Variants in PCDHB5 observed in about 807,000 individuals in gnomAD.
The protein encoded by PCDHB5 is protocadherin beta 5.
For missense variants in PCDHB5, 1,125 were observed against 1,029.4 expected (o/e 1.09, Z -1.27); for synonymous variants, 569 against 462.2 (o/e 1.23, Z -2.96).
chr5:141,136,496 T>G lies in PCDHB5; in HGVS notation c.1062T>G (p.Pro354=). ...TCACCATGTCTACGCTCTCCAGCCC[T>G]ACCCCAGAAAATGCCCCGGAAACTG... ...PELTMSTLSS[P]TPENAPETVV... is the part of the protein sequence containing the mutation. The change falls in exon 1 of 1, where the codon CCT becomes CCG. Residue 354 remains proline (P), a synonymous_variant. Coordinates refer to ENST00000231134, the MANE Select transcript of PCDHB5 (RefSeq NM_015669.5). The G allele has an allele frequency of 6.2e-7, 1 of 1,614,082 alleles. No individual in the cohort carries two copies. Among genetic ancestry groups the G allele is most frequent in the Non-Finnish European group, 8.5e-7 (1 of 1,180,000 alleles).
In PCDHB5 at chr5:141,136,446, G is replaced by A; in HGVS notation, c.1012G>A (p.Asp338Asn). 1.2e-6 allele frequency: 2 copies of A among 1,614,168 alleles called. No individual in the cohort carries two copies. The highest frequency in any genetic ancestry group is 1.7e-6 in the Non-Finnish European group (2 of 1,180,032). Residue 338 changes from aspartate to asparagine, a missense_variant, in exon 1 of 1, where the codon GAT (aspartate) becomes AAT (asparagine). Transcript: ENST00000231134. ...ATGCACTGTGGCTATAGAAGTGGTG[G>A]ATGTGAATGACAACGCCCCTGAACT... is the stretch of plus-strand genomic sequence containing the variant. ...GKCTVAIEVV[D>N]VNDNAPELTM...
Position 141,136,018 on chromosome 5 carries a change from T to A in PCDHB5, c.584T>A (p.Val195Glu), listed in dbSNP as rs782551959. The A allele has an allele frequency of 1.9e-6, 3 of 1,614,214 alleles. No individual in the cohort carries two copies. The highest frequency in any genetic ancestry group is 3.3e-5 in the Admixed American group (2 of 60,032). The part of the protein sequence containing the change: ...RGDGRKYPEL[V>E]LDKALDREER... ...GATGGCAGAAAATACCCAGAGCTGG[T>A]GCTGGACAAAGCGCTGGACCGGGAG... The change falls in exon 1 of 1, where the codon GTG becomes GAG. Residue 195 changes from valine to glutamate, a missense_variant. Coordinates refer to ENST00000231134, the MANE Select transcript of PCDHB5 (RefSeq NM_015669.5).
Position 141,137,615 on chromosome 5 carries a change from CG to C in PCDHB5, c.2182del (p.Glu728ArgfsTer11), listed in dbSNP as rs1405157509. 1 of 1,613,508 alleles carries C rather than the reference CG, an allele frequency of 6.2e-7. No homozygotes were observed. Among genetic ancestry groups the C allele is most frequent in the African/African-American group, 1.3e-5 (1 of 74,922 alleles). ...AAPVGRCSVPEGPFPGHLVDV... is the reference protein window; with the variant it reads ...AAPVGRCSVPXGPFPGHLVDV... ...CCCCGGTCGGTCGCTGCTCGGTGCC[CG>C]AGGGCCCCTTTCCAGGGCATCTGGT... On this transcript the variant is annotated frameshift_variant, in exon 1 of 1. Transcript: ENST00000231134. LOFTEE classifies it low-confidence loss of function (END_TRUNC).
At position 141,135,653 on chromosome 5, in the gene PCDHB5, G is replaced by A. The variant is rs782127537; in HGVS notation, c.219G>A (p.Glu73=). 1.9e-6 allele frequency: 3 copies of A among 1,614,062 alleles called. No individual in the cohort carries two copies. The highest frequency in any genetic ancestry group is 2.5e-6 in the Non-Finnish European group (3 of 1,180,012). ...GARMHYKGNK[E]LLQLDIKTGN... ...GAATGCATTACAAAGGAAACAAAGAGCTCTTGCAGCTTGATATAAAGACCG... is the reference window on the plus strand; with the variant it reads ...GAATGCATTACAAAGGAAACAAAGAACTCTTGCAGCTTGATATAAAGACCG... The change falls in exon 1 of 1, where the codon GAG becomes GAA. Residue 73 remains glutamate, a synonymous_variant. Transcript: ENST00000231134.
In PCDHB5 at chr5:141,137,987, A is replaced by C; in HGVS notation, c.*165A>C. Reference sequence around the variant, plus strand: ...CATGCTGTCCAAGTGTTGAAAAGTCAATTTTATTTCATTGCATTTATTTAC... The same window carrying C: ...CATGCTGTCCAAGTGTTGAAAAGTCCATTTTATTTCATTGCATTTATTTAC... On this transcript the variant is annotated 3_prime_UTR_variant, in exon 1 of 1. Transcript: ENST00000231134. 2 of 646,036 alleles carry C rather than the reference A, an allele frequency of 3.1e-6. No homozygotes were observed. Among genetic ancestry groups the C allele is most frequent in the South Asian group, 4.9e-5 (2 of 40,908 alleles). The allele number at this position is 646,036 out of a possible 1,614,324, so 40.0% of individuals were successfully genotyped here. A position where few individuals can be genotyped will look rare whatever the true frequency, so the allele number is the denominator to read the frequency against.
Position 141,137,445 on chromosome 5 carries a change from C to A in PCDHB5, c.2011C>A (p.Pro671Thr). 7 of 1,612,330 alleles carry A rather than the reference C, an allele frequency of 4.3e-6. No individual in the cohort carries two copies. The highest frequency in any genetic ancestry group is 5.9e-6 in the Non-Finnish European group (7 of 1,179,646). Residue 671 changes from proline to threonine, a missense_variant, in exon 1 of 1, where the codon CCG becomes ACG. Physicochemically the swap from Pro to Thr is conservative, Grantham distance 38 (BLOSUM62 -1). Transcript: ENST00000231134. ...GGACGGCTTCTCCCAGCCCTACCTG[C>A]CGCTGCCGGAGGCGGCCCCGGCCCA... is the stretch of plus-strand genomic sequence containing the variant. ...LVDGFSQPYL[P>T]LPEAAPAQAQ... is the part of the protein sequence containing the mutation.
rs782267777 is a variant in PCDHB5 at position 141,137,481 on chromosome 5, G to A, written c.2047G>A (p.Asp683Asn). 1.9e-6 allele frequency: 3 copies of A among 1,612,602 alleles called. No homozygotes were observed. The highest frequency in any genetic ancestry group is 2.7e-5 in the African/African-American group (2 of 74,892). The part of the protein sequence containing the change: ...PEAAPAQAQA[D>N]SLTVYLVVAL... ...GGCGGCCCCGGCCCAGGCCCAGGCC[G>A]ACTCGCTCACTGTCTACCTGGTGGT... The change falls in exon 1 of 1, where the codon GAC (aspartate) becomes AAC (asparagine). Residue 683 changes from aspartate (D) to asparagine (N), a missense_variant. Physicochemically the swap from Asp to Asn is conservative, Grantham distance 23 (BLOSUM62 1). Transcript: ENST00000231134.
Position 141,135,969 on chromosome 5 carries a change from C to G in PCDHB5, c.535C>G (p.His179Asp). The stretch of plus-strand genomic sequence containing the variant: ...CACAATCAGCCCAAATTCACACTTT[C>G]ATGTTGCTACGCATAATCGCGGAGA... ...NYTISPNSHF[H>D]VATHNRGDGR... is the part of the protein sequence containing the mutation. Residue 179 changes from histidine to aspartate, a missense_variant, in exon 1 of 1, where the codon CAT becomes GAT. His to Asp is a moderately conservative substitution (Grantham distance 81). Transcript: ENST00000231134. 1.2e-6 allele frequency: 2 copies of G among 1,614,232 alleles called. No homozygotes were observed. Among genetic ancestry groups the G allele is most frequent in the Non-Finnish European group, 1.7e-6 (2 of 1,180,042 alleles).
Position 141,137,593 on chromosome 5 carries a change from C to G in PCDHB5, c.2159C>G (p.Pro720Arg), listed in dbSNP as rs782775493. ...CTGTGCAGGAGGAGCAGGGCGGCCC[C>G]GGTCGGTCGCTGCTCGGTGCCCGAG... ...VRLCRRSRAA[P>R]VGRCSVPEGP... The change falls in exon 1 of 1, where the codon CCG becomes CGG. Residue 720 changes from proline to arginine, a missense_variant. Transcript: ENST00000231134. 21 of 1,613,104 alleles carry G rather than the reference C, an allele frequency of 1.3e-5. No homozygotes were observed. Among genetic ancestry groups the G allele is most frequent in the Non-Finnish European group, 1.7e-5 (20 of 1,179,994 alleles).
Position 141,135,613 on chromosome 5 carries a change from C to T in PCDHB5, c.179C>T (p.Ala60Val), listed in dbSNP as rs200407793. Residue 60 changes from alanine to valine, a missense_variant, in exon 1 of 1, where the codon GCC becomes GTC. Ala to Val is a moderately conservative substitution (Grantham distance 64, BLOSUM62 0). Transcript: ENST00000231134. Reference sequence around the variant, plus strand: ...CTGGGTCTTGGGGTGGGGGAACTGGCCACTCGGGGCGCGCGAATGCATTAC... The same window carrying T: ...CTGGGTCTTGGGGTGGGGGAACTGGTCACTCGGGGCGCGCGAATGCATTAC... ...KDLGLGVGEL[A>V]TRGARMHYKG... 3.7e-6 allele frequency: 6 copies of T among 1,614,094 alleles called. No individual in the cohort carries two copies. The highest frequency in any genetic ancestry group is 5.1e-6 in the Non-Finnish European group (6 of 1,180,008).
Position 141,136,773 on chromosome 5 carries a change from G to T in PCDHB5, c.1339G>T (p.Ala447Ser), listed in dbSNP as rs782235917. The change falls in exon 1 of 1, where the codon GCC becomes TCC. Residue 447 changes from alanine to serine, a missense_variant. Transcript: ENST00000231134. Reference protein sequence around the residue: ...TVLVSDVNDNAPAFTQTSYTL... With the variant: ...TVLVSDVNDNSPAFTQTSYTL... ...CCTGGTCTCCGACGTCAATGACAAC[G>T]CCCCCGCCTTCACCCAAACCTCCTA... 7 of 1,613,928 alleles carry T rather than the reference G, an allele frequency of 4.3e-6. No homozygotes were observed. Among genetic ancestry groups the T allele is most frequent in the Non-Finnish European group, 5.9e-6 (7 of 1,180,014 alleles).
rs575339909 is a variant in PCDHB5 at position 141,137,075 on chromosome 5, C to A, written c.1641C>A (p.Arg547=). 4.3e-6 allele frequency: 7 copies of A among 1,611,656 alleles called. No individual in the cohort carries two copies. Among genetic ancestry groups the A allele is most frequent in the Admixed American group, 3.3e-5 (2 of 59,992 alleles). Residue 547 remains arginine, a synonymous_variant, in exon 1 of 1, where the codon CGC becomes CGA. Transcript: ENST00000231134. Reference sequence around the variant, plus strand: ...CGCTGAGCAGCGAGGCGCTGGTGCGCGTGCTGGTGCTGGACGCCAACGACA... The same window carrying A: ...CGCTGAGCAGCGAGGCGCTGGTGCGAGTGCTGGTGCTGGACGCCAACGACA... ...SPALSSEALV[R]VLVLDANDNS...
rs1418211383 is a variant in PCDHB5, at chr5:141,135,694, A to G, written c.260A>G (p.Tyr87Cys). Residue 87 changes from tyrosine (Y) to cysteine (C), a missense_variant, in exon 1 of 1, where the codon TAT becomes TGT. Tyr to Cys is a radical substitution (Grantham distance 194). Transcript: ENST00000231134. ...ATAAAGACCGGCAATTTGCTTCTAT[A>G]TGAAAAACTAGACCGGGAGGTGATG... ...LDIKTGNLLLYEKLDREVMCG... is the reference protein window; with the variant it reads ...LDIKTGNLLLCEKLDREVMCG... 7 of 1,614,048 alleles carry G rather than the reference A, an allele frequency of 4.3e-6. No homozygotes were observed. The highest frequency in any genetic ancestry group is 5.9e-6 in the Non-Finnish European group (7 of 1,180,048).
chr5:141,136,429 T>C lies in PCDHB5; in HGVS notation c.995T>C (p.Val332Ala). 6.2e-7 allele frequency: 1 copy of C among 1,614,144 alleles called. No homozygotes were observed. The highest frequency in any genetic ancestry group is 8.5e-7 in the Non-Finnish European group (1 of 1,180,028). ...DGGGLSGKCTVAIEVVDVNDN... is the reference protein window; with the variant it reads ...DGGGLSGKCTAAIEVVDVNDN... ...GGGGGCCTTTCAGGAAAATGCACTG[T>C]GGCTATAGAAGTGGTGGATGTGAAT... The change falls in exon 1 of 1, where the codon GTG becomes GCG. Residue 332 changes from valine to alanine, a missense_variant. Transcript: ENST00000231134.
In PCDHB5 at chr5:141,136,932, G is replaced by C; in HGVS notation, c.1498G>C (p.Ala500Pro). The change falls in exon 1 of 1, where the codon GCC becomes CCC. Residue 500 changes from alanine (A) to proline (P), a missense_variant. Coordinates refer to ENST00000231134, the MANE Select transcript of PCDHB5 (RefSeq NM_015669.5). ...GCCCCAGAACCCACACCTGCGCCTCGCCTCCCTGGTCTCCATCAACGCGGA... is the reference window on the plus strand; with the variant it reads ...GCCCCAGAACCCACACCTGCGCCTCCCCTCCCTGGTCTCCATCAACGCGGA... Reference protein sequence around the residue: ...LPPQNPHLRLASLVSINADNG... With the variant: ...LPPQNPHLRLPSLVSINADNG... 6.2e-7 allele frequency: 1 copy of C among 1,612,580 alleles called. No individual in the cohort carries two copies. The highest frequency in any genetic ancestry group is 8.5e-7 in the Non-Finnish European group (1 of 1,180,002).
rs782736938 is a variant in PCDHB5, at chr5:141,136,346, G to C, written c.912G>C (p.Arg304Ser). The change falls in exon 1 of 1, where the codon AGG (arginine) becomes AGC (serine). Residue 304 changes from arginine (R) to serine (S), a missense_variant. By Grantham distance (110) the Arg-to-Ser change is moderately radical. Coordinates refer to ENST00000231134, the MANE Select transcript of PCDHB5 (RefSeq NM_015669.5). ...DEKTAEIRLK[R>S]ALDFEATPYY... ...AAACAGCAGAAATTCGCCTGAAAAG[G>C]GCATTGGATTTCGAGGCAACTCCAT... 1.9e-6 allele frequency: 3 copies of C among 1,614,124 alleles called. No individual in the cohort carries two copies. The highest frequency in any genetic ancestry group is 2.5e-6 in the Non-Finnish European group (3 of 1,180,028).
Position 141,135,887 on chromosome 5 carries a change from G to A in PCDHB5, c.453G>A (p.Val151=). Residue 151 remains valine (V), a synonymous_variant, in exon 1 of 1, where the codon GTG becomes GTA. Coordinates refer to ENST00000231134, the MANE Select transcript of PCDHB5 (RefSeq NM_015669.5). ...KIPESTQPGT[V]FPLKIAQDFD... is the part of the protein sequence containing the mutation. Reference sequence around the variant, plus strand: ...CAGAGAGCACCCAGCCAGGGACTGTGTTTCCCTTAAAAATAGCCCAGGACT... The same window carrying A: ...CAGAGAGCACCCAGCCAGGGACTGTATTTCCCTTAAAAATAGCCCAGGACT... The A allele has an allele frequency of 6.2e-7, 1 of 1,614,086 alleles. No homozygotes were observed. Among genetic ancestry groups the A allele is most frequent in the Non-Finnish European group, 8.5e-7 (1 of 1,179,948 alleles).
In PCDHB5 at chr5:141,135,825, C is replaced by T; in HGVS notation, c.391C>T (p.Pro131Ser). 1 of 1,614,024 alleles carries T rather than the reference C, an allele frequency of 6.2e-7. No homozygotes were observed. The highest frequency in any genetic ancestry group is 8.5e-7 in the Non-Finnish European group (1 of 1,179,962). The change falls in exon 1 of 1, where the codon CCA becomes TCA. Residue 131 changes from proline (P) to serine (S), a missense_variant. By Grantham distance (74) the Pro-to-Ser change is moderately conservative (BLOSUM62 -1). Coordinates refer to ENST00000231134, the MANE Select transcript of PCDHB5 (RefSeq NM_015669.5). ...GCTCACAGATATAAATGACCATGCC[C>T]CAGAGTTCCCAGAGAAGGAAATGCT... ...LQLTDINDHAPEFPEKEMLLK... is the reference protein window; with the variant it reads ...LQLTDINDHASEFPEKEMLLK...
rs781971004 is a variant in PCDHB5 at position 141,136,720 on chromosome 5, G to A, written c.1286G>A (p.Arg429Lys). The A allele has an allele frequency of 8.1e-6, 13 of 1,613,986 alleles. No individual in the cohort carries two copies. The highest frequency in any genetic ancestry group is 1.3e-5 in the African/African-American group (1 of 74,876). The change falls in exon 1 of 1, where the codon AGG becomes AAG. Residue 429 changes from arginine (R) to lysine (K), a missense_variant. Transcript: ENST00000231134. ...TITVTDMGTPRLKTEHNITVL... is the reference protein window; with the variant it reads ...TITVTDMGTPKLKTEHNITVL... Reference sequence around the variant, plus strand: ...ACTGTCACCGACATGGGGACACCCAGGCTGAAAACCGAGCACAACATAACG... The same window carrying A: ...ACTGTCACCGACATGGGGACACCCAAGCTGAAAACCGAGCACAACATAACG...
Sources: gnomAD v4.1 joint callset for allele counts on GRCh38, gnomAD v4.1.1 for gene constraint, MANE v1.5 for transcripts, NCBI Gene and HGNC (gene_info 2026-07-23, HGNC 2026-07-21) for gene names.